The following RREB1 variants were observed in gnomAD, a reference collection of about 807,000 sequenced individuals.
The protein encoded by RREB1 is ras responsive element binding protein 1.
Under a neutral mutation model 117.8 loss-of-function variants are expected in RREB1, and 27 were observed. The observed-to-expected ratio is 0.23, with a 90% CI of 0.17 to 0.32. RREB1 has a LOEUF of 0.32. Among genes scored for constraint, RREB1 ranks in the 10% least tolerant of loss-of-function variants. RREB1 has a pLI of 1.00. For synonymous variants in RREB1, 1,298 were observed against 1,026.7 expected (o/e 1.26, Z -5.05); for missense variants, 2,577 against 2,378.2 (o/e 1.08, Z -1.74).
intron 10 of RREB1, among the ~76,000 whole-genome samples, chr6:7,234,058 CAAGGAG>C (rs983109453): frequency 6.6e-6 from 1 of 152,166 alleles, no homozygotes; most frequent in Non-Finnish European, 1.5e-5. Context: ...AGGGAGGACT[CAAGGAG>C]AACCAGGATT....
intron 1 of RREB1, among the ~76,000 whole-genome samples, chr6:7,148,138 A>G (rs1219733358): frequency 1.3e-5 from 2 of 152,150 alleles, no homozygotes; most frequent in Non-Finnish European, 2.9e-5. Context: ...TAAAGTTTTC[A>G]AAGCCACAAA....
At position 7,229,112 on chromosome 6, in the gene RREB1, A is replaced by G. The variant is rs773730596; in HGVS notation, c.1013A>G (p.His338Arg). Reference sequence around the variant, plus strand: ...TCACTGGCTCTGCACAAGCAGACCCATGTGGCGGCAGACCAGGGTCAAGAA... The same window carrying G: ...TCACTGGCTCTGCACAAGCAGACCCGTGTGGCGGCAGACCAGGGTCAAGAA... ...LCSLALHKQT[H>R]VAADQGQEKP... Residue 338 changes from histidine (H) to arginine (R), a missense_variant, in exon 10 of 13, where the codon CAT (histidine) becomes CGT (arginine). Transcript: ENST00000379938. The surrounding 1 kb of genome is among the most constrained non-coding windows in gnomAD (Gnocchi z 4.5). 2.4e-5 allele frequency: 38 copies of G among 1,608,126 alleles called. No homozygotes were observed. The highest frequency in any genetic ancestry group is 3.0e-5 in the Non-Finnish European group (35 of 1,175,258).
intron 1 of RREB1, among the ~76,000 whole-genome samples, chr6:7,110,332 A>G (rs1471245063): frequency 6.6e-6 from 1 of 152,132 alleles, no homozygotes; most frequent in African/African-American, 2.4e-5. Context: ...TGAGTTAGAT[A>G]GAGGCCAAAG....
chr6:7,194,255 A>T (rs1354823540), intron 6 of RREB1, among the ~76,000 whole-genome samples: 1 of 152,216 alleles, frequency 6.6e-6, no homozygotes, highest in Non-Finnish European at 1.5e-5. Context: ...ATATTTTTTT[A>T]AAAGCAGGCA....
At chr6:7,203,390 A>G (rs1466182013) in intron 6 of RREB1, among the ~76,000 whole-genome samples, 1 of 152,226 alleles carries the variant, frequency 6.6e-6, no homozygotes, top group Non-Finnish European at 1.5e-5. Flanking sequence ...TTCAGGCATT[A>G]TAATTCTAGC....
intron 6 of RREB1, among the ~76,000 whole-genome samples, chr6:7,194,079 G>A (rs1429769266): frequency 6.6e-6 from 1 of 152,164 alleles, no homozygotes; most frequent in Non-Finnish European, 1.5e-5. Flanking sequence ...GTGAGCATGG[G>A]ATAGTTTTGG....
chr6:7,230,471 A>T lies in RREB1; in HGVS notation c.2372A>T (p.Glu791Val). ...GGCCACAAGGGCCGCAAGCCCTTCG[A>T]GTGCAAGGAGTGCAGCGCCGCGTTC... ...GGGHKGRKPF[E>V]CKECSAAFAA... The change falls in exon 10 of 13, where the codon GAG becomes GTG. Residue 791 changes from glutamate (E) to valine (V), a missense_variant. Glu to Val is a moderately radical substitution (Grantham distance 121). Coordinates refer to ENST00000379938, the MANE Select transcript of RREB1 (RefSeq NM_001003699.4). 1 of 1,594,094 alleles carries T rather than the reference A, an allele frequency of 6.3e-7. No homozygotes were observed. The highest frequency in any genetic ancestry group is 8.5e-7 in the Non-Finnish European group (1 of 1,177,190).
intron 1 of RREB1, among the ~76,000 whole-genome samples, chr6:7,113,002 A>G (rs773981861): frequency 6.6e-6 from 1 of 152,230 alleles, no homozygotes; most frequent in Non-Finnish European, 1.5e-5. Flanking sequence ...GAAGTTAGCC[A>G]GTCTGCCCAT....
rs756686713 is a variant in RREB1 at position 7,229,650 on chromosome 6, G to A, written c.1551G>A (p.Thr517=). ...CAAAGCCCCTGGTCACACCACGGACGGTGGTGGCCACCTCCACGCCCCCGC... is the reference window on the plus strand; with the variant it reads ...CAAAGCCCCTGGTCACACCACGGACAGTGGTGGCCACCTCCACGCCCCCGC... ...LKPKPLVTPR[T]VVATSTPPPL... The change falls in exon 10 of 13, where the codon ACG becomes ACA. Residue 517 remains threonine (T), a synonymous_variant. Coordinates refer to ENST00000379938, the MANE Select transcript of RREB1 (RefSeq NM_001003699.4). This position sits in a 1 kb window ranked among gnomAD's most constrained non-coding sequence, Gnocchi z 4.5. 23 of 1,612,226 alleles carry A rather than the reference G, an allele frequency of 1.4e-5. No homozygotes were observed. Among genetic ancestry groups the A allele is most frequent in the Admixed American group, 3.3e-5 (2 of 59,918 alleles).
At chr6:7,228,819 A>G (rs1299532399) in intron 9 of RREB1, among the ~76,000 whole-genome samples, 178 bp from the exon 10 acceptor site, 1 of 150,948 alleles carries the variant, frequency 6.6e-6, no homozygotes, top group Admixed American at 6.6e-5. Flanking sequence ...ATTTTTTTTT[A>G]TTTTTTGTAG....
At chr6:7,171,043 T>C (rs958526989) in intron 1 of RREB1, among the ~76,000 whole-genome samples, 1 of 152,150 alleles carries the variant, frequency 6.6e-6, no homozygotes, top group African/African-American at 2.4e-5. Context: ...GGAGGGTCTG[T>C]AGTAGTTAAT....
rs1761187220 is a variant in RREB1, at chr6:7,112,371, T to TGATGGGGA, written c.-285+4311_-285+4312insGATGGGGA. On this transcript the variant is annotated intron_variant, in intron 1 of 12. Transcript: ENST00000379938. ...TTCCCTGCTTCAAGGTTAATTTCTG[T>TGATGGGGA]ACATCTGACCTATTGAACAGGCAGT... Among the ~76,000 whole-genome samples the TGATGGGGA allele has an allele frequency of 3.5e-4, 53 of 152,386 alleles. 1 individual carries two copies. Among genetic ancestry groups the TGATGGGGA allele is most frequent in the African/African-American group, 1.2e-3 (50 of 41,596 alleles).
intron 1 of RREB1, among the ~76,000 whole-genome samples, chr6:7,143,846 T>C (rs1410253018): frequency 8.8e-6 from 1 of 114,026 alleles, no homozygotes; most frequent in Non-Finnish European, 1.7e-5. Context: ...AGCCTTTTTT[T>C]CTTTCTTTTT....
At chr6:7,202,508 G>C (rs987848411) in intron 6 of RREB1, among the ~76,000 whole-genome samples, 1 of 152,182 alleles carries the variant, frequency 6.6e-6, no homozygotes, top group East Asian at 1.9e-4. Context: ...CTGGTCTCTG[G>C]TGGCCGGCGA....
At chr6:7,189,046 A>G in intron 5 of RREB1, 113 bp from the exon 6 acceptor site, 2 of 1,014,280 alleles carry the variant, frequency 2.0e-6, no homozygotes, top group South Asian at 1.8e-5. Flanking sequence ...AGAGAAACAC[A>G]TAGCCAAGAA....
At chr6:7,133,209 A>G (rs559537068) in intron 1 of RREB1, among the ~76,000 whole-genome samples, 2 of 152,166 alleles carry the variant, frequency 1.3e-5, no homozygotes, top group Non-Finnish European at 2.9e-5. Flanking sequence ...GGAGAGATGC[A>G]GGGGGCAGGC....
chr6:7,173,122 G>A (rs1764305990), intron 1 of RREB1, among the ~76,000 whole-genome samples: 1 of 152,114 alleles, frequency 6.6e-6, no homozygotes, highest in Admixed American at 6.5e-5. Context: ...TCTGCACTGT[G>A]CCCATCCTGG....
chr6:7,246,413 T>C lies in RREB1; in HGVS notation c.3974-11T>C. 2 of 1,469,570 alleles carry C rather than the reference T, an allele frequency of 1.4e-6. No homozygotes were observed. The highest frequency in any genetic ancestry group is 1.8e-6 in the Non-Finnish European group (2 of 1,107,914). The allele number at this position is 1,469,570 out of a possible 1,614,324, so 91.0% of individuals were successfully genotyped here. On this transcript the variant is annotated splice_polypyrimidine_tract_variant and intron_variant, in intron 11 of 12. Coordinates refer to ENST00000379938, the MANE Select transcript of RREB1 (RefSeq NM_001003699.4). ...CCCCTCTGAGCCCTCCCCGCTGTGCTTGCCCCACAGACAGTCAGTCGGATG... is the reference window on the plus strand; with the variant it reads ...CCCCTCTGAGCCCTCCCCGCTGTGCCTGCCCCACAGACAGTCAGTCGGATG...
intron 1 of RREB1, among the ~76,000 whole-genome samples, chr6:7,160,392 A>G (rs1197811078): frequency 1.3e-5 from 2 of 152,224 alleles, no homozygotes; most frequent in African/African-American, 2.4e-5. Flanking sequence ...CTCATGATAC[A>G]TACGTTGTTT....
Sources: allele counts gnomAD v4.1 joint callset (sites outside exome capture counted in the v4.1 genomes callset), GRCh38; gene constraint gnomAD v4.1.1; non-coding constraint Gnocchi (gnomAD v3.1); transcripts MANE v1.5; gene names NCBI Gene and HGNC (gene_info 2026-07-23, HGNC 2026-07-21).